Variants in ANK1 observed in about 807,000 individuals in gnomAD.
The protein encoded by ANK1 is ankyrin 1, also known as ankyrin-1.
A neutral mutation model predicts 210.4 loss-of-function variants in ANK1; 51 were observed. That is an observed-to-expected ratio of 0.24 (90% CI 0.19 to 0.31). The LOEUF (loss-of-function observed/expected upper bound fraction) is 0.31. Among genes scored for constraint, ANK1 ranks in the 10% least tolerant of loss-of-function variants. The pLI, the probability that ANK1 is intolerant of heterozygous loss-of-function variation, is 1.00. For missense variants in ANK1, 2,051 were observed against 2,504.4 expected, an observed-to-expected ratio of 0.82 and a Z score of 3.86; for synonymous variants, 967 against 1,025.9, an observed-to-expected ratio of 0.94 and a Z score of 1.10.
chr8:41,740,035 G>A (rs1834372192), intron 2 of ANK1, among the ~76,000 whole-genome samples: 1 of 151,814 alleles, frequency 6.6e-6, no homozygotes, highest in Non-Finnish European at 1.5e-5. Flanking sequence ...TCTTTTCCAT[G>A]TTTAGCAATC....
chr8:41,689,475 C>T (rs1818669706), intron 33 of ANK1, among the ~76,000 whole-genome samples: 1 of 151,968 alleles, frequency 6.6e-6, no homozygotes, highest in African/African-American at 2.4e-5. Context: ...CATCTCATGC[C>T]CAAAAAGAAA....
chr8:41,803,966 A>T (rs1248524519), intron 1 of ANK1, among the ~76,000 whole-genome samples: 2 of 152,178 alleles, frequency 1.3e-5, no homozygotes, highest in Non-Finnish European at 2.9e-5. Flanking sequence ...TTCATAAGTT[A>T]TATTGGTTAT....
chr8:41,807,269 C>T lies in ANK1; in HGVS notation c.127-49132G>A, dbSNP rs148705294. 6.3e-3 allele frequency among the ~76,000 whole-genome samples: 967 copies of T among 152,286 alleles called. 6 individuals carry two copies. Among genetic ancestry groups the T allele is most frequent in the African/African-American group, 0.021 (861 of 41,558 alleles). On this transcript the variant is annotated intron_variant, in intron 1 of 42. Coordinates refer to the ANK1 transcript ENST00000265709. ...CATGTTACTCATCAGATGACCGAGGCAAGAGAGGTGCTTACCAAGGTCACA... is the reference window on the plus strand; with the variant it reads ...CATGTTACTCATCAGATGACCGAGGTAAGAGAGGTGCTTACCAAGGTCACA...
Position 41,668,332 on chromosome 8 carries a change from G to A in ANK1, c.5329C>T (p.Arg1777Trp), listed in dbSNP as rs781061339. The A allele has an allele frequency of 1.1e-5, 17 of 1,614,076 alleles. No homozygotes were observed. Among genetic ancestry groups the A allele is most frequent in the Middle Eastern group, 1.6e-4 (1 of 6,084 alleles). The part of the protein sequence containing the change: ...EAESSQADRD[R>W]RQQGQEEQVQ... ...TGCTCTTCTTGGCCTTGCTGCCTCCGGTCCCTGTCGGCCTGGGAGCTCTCA... is the reference window on the plus strand; with the variant it reads ...TGCTCTTCTTGGCCTTGCTGCCTCCAGTCCCTGTCGGCCTGGGAGCTCTCA... Residue 1777 changes from arginine (R) to tryptophan (W), a missense_variant, in exon 39 of 43, where the codon CGG (arginine) becomes TGG (tryptophan). Physicochemically the swap from Arg to Trp is moderately radical, Grantham distance 101 (BLOSUM62 -3). Transcript: ENST00000289734.
chr8:41,803,457 T>C (rs1168989742), intron 1 of ANK1: 1 of 152,198 alleles, frequency 6.6e-6, no homozygotes, highest in Non-Finnish European at 1.5e-5. Context: ...TTCAAAAAAA[T>C]TGACCATGAT....
intron 15 of ANK1, 146 bp from the exon 16 acceptor site, chr8:41,714,400 A>G (rs1335945003): frequency 1.6e-6 from 1 of 617,180 alleles, no homozygotes; most frequent in Non-Finnish European, 2.6e-6. Context: ...GAGTCATGAC[A>G]GAATGTCATC....
intron 2 of ANK1, among the ~76,000 whole-genome samples, chr8:41,736,205 T>A (rs1339202002): frequency 6.6e-6 from 1 of 152,192 alleles, no homozygotes; most frequent in Non-Finnish European, 1.5e-5. Context: ...GAGAGAGCAC[T>A]GGGCAGGCAG....
intron 1 of ANK1, among the ~76,000 whole-genome samples, chr8:41,832,255 C>T (rs11995448): frequency 0.012 from 1,812 of 152,244 alleles, 28 homozygotes; most frequent in African/African-American, 0.04. Flanking sequence ...AGGGGAGAGA[C>T]GGGGAAAGAG....
chr8:41,792,428 C>T (rs1251997129), intron 1 of ANK1, among the ~76,000 whole-genome samples: 2 of 152,234 alleles, frequency 1.3e-5, no homozygotes, highest in South Asian at 2.1e-4. Flanking sequence ...ATTTTCCTAA[C>T]AGCCAAAGCT....
rs118088515 is a variant in ANK1, at chr8:41,682,192, C to T, written c.4537+2352G>A. Among the ~76,000 whole-genome samples, 1,082 of 152,226 alleles carry T rather than the reference C, an allele frequency of 7.1e-3. 7 individuals are homozygous for T. Among genetic ancestry groups the T allele is most frequent in the East Asian group, 0.014 (72 of 5,158 alleles). ...CTCTCTCCCACTGTCCCTTTGCCCC[C>T]GCCTCCAGCCCCGTCCTGTGAACGC... On this transcript the variant is annotated intron_variant, in intron 37 of 42. Transcript: ENST00000289734.
chr8:41,735,335 T>C (rs1833158787), intron 2 of ANK1, among the ~76,000 whole-genome samples: 1 of 152,230 alleles, frequency 6.6e-6, no homozygotes, highest in South Asian at 2.1e-4. Context: ...TTTTAGTCAG[T>C]GAGCAAACTC....
chr8:41,844,493 C>CGCA lies in ANK1; in HGVS notation c.126+51859_126+51861dup, dbSNP rs573031165. Among the ~76,000 whole-genome samples, 33 of 152,218 alleles carry CGCA rather than the reference C, an allele frequency of 2.2e-4. No individual in the cohort carries two copies. The East Asian group carries it at 5.8e-3, about 27-fold the overall frequency. On this transcript the variant is annotated intron_variant, in intron 1 of 42. Coordinates refer to the ANK1 transcript ENST00000265709. ...TACACAACAGGCACACACCCCTCCC[C>CGCA]GCAACTGATGCACCCACCACACACC...
chr8:41,669,658 C>T (rs1398627606), intron 38 of ANK1, among the ~76,000 whole-genome samples: 1 of 152,146 alleles, frequency 6.6e-6, no homozygotes, highest in Non-Finnish European at 1.5e-5. Flanking sequence ...CTCCTTGACC[C>T]CTCTCTTCCT....
At chr8:41,823,316 G>A (rs1196622702) in intron 1 of ANK1, among the ~76,000 whole-genome samples, 4 of 152,102 alleles carry the variant, frequency 2.6e-5, no homozygotes, top group Non-Finnish European at 5.9e-5. Context: ...GAAAAAAACC[G>A]CCCAACTTGG....
intron 23 of ANK1, 46 bp downstream of exon 23, chr8:41,699,406 G>C: frequency 6.4e-7 from 1 of 1,559,482 alleles, no homozygotes; most frequent in South Asian, 1.1e-5. Flanking sequence ...GAGCCACAGG[G>C]TTGCATCTCG....
chr8:41,697,429 C>A (rs915423335), intron 24 of ANK1, among the ~76,000 whole-genome samples: 16 of 152,084 alleles, frequency 1.1e-4, no homozygotes, highest in African/African-American at 3.6e-4. Flanking sequence ...CCTTGTCCAT[C>A]GCCCTTGTTG....
Position 41,688,574 on chromosome 8 carries a change from C to A in ANK1, c.4120G>T (p.Asp1374Tyr). 6.2e-7 allele frequency: 1 copy of A among 1,614,198 alleles called. No homozygotes were observed. Among genetic ancestry groups the A allele is most frequent in the Non-Finnish European group, 8.5e-7 (1 of 1,180,030 alleles). ...AGGGGCGTCGGGGTCCTTCTCCTAT[C>A]TTCGGCTCCACTTCCCTGCAGAAGA... ...PPCAKGSGAE[D>Y]RRRTPTPLAL... is the part of the protein sequence containing the mutation. The change falls in exon 34 of 43, where the codon GAT (aspartate) becomes TAT (tyrosine). Residue 1374 changes from aspartate to tyrosine, a missense_variant. Asp to Tyr is a radical substitution (Grantham distance 160). Transcript: ENST00000289734.
At chr8:41,693,344 C>T (rs1586146605) in intron 29 of ANK1, 143 bp from the exon 30 acceptor site, 8 of 737,974 alleles carry the variant, frequency 1.1e-5, no homozygotes, top group African/African-American at 3.5e-5. Context: ...ACCCTCACCC[C>T]GCTGCTCTTC....
chr8:41,791,704 A>G (rs1417781690), intron 1 of ANK1, among the ~76,000 whole-genome samples: 2 of 152,284 alleles, frequency 1.3e-5, no homozygotes, highest in East Asian at 3.9e-4. Flanking sequence ...GTGGGGAGGC[A>G]CTAACTTTCT....
Sources: allele counts gnomAD v4.1 joint callset (sites outside exome capture counted in the v4.1 genomes callset), GRCh38; gene constraint gnomAD v4.1.1; transcripts MANE v1.5; gene names NCBI Gene and HGNC (gene_info 2026-07-23, HGNC 2026-07-21).